The following PACRG variants were observed in gnomAD, a reference collection of about 807,000 sequenced individuals.
The protein encoded by PACRG is parkin coregulated gene protein.
Under a neutral mutation model 29.7 loss-of-function variants are expected in PACRG, and 29 were observed. The ratio of observed to expected loss-of-function variants is 0.98; its 90% CI spans 0.73 to 1.33. The LOEUF (loss-of-function observed/expected upper bound fraction) is 1.33. Ranked by LOEUF, PACRG falls within the 40% of genes most tolerant of loss-of-function variation. The pLI, the probability that PACRG is intolerant of heterozygous loss-of-function variation, is 0.00. For missense variants in PACRG, 279 were observed against 316.2 expected (o/e 0.88, Z 0.89); for synonymous variants, 116 against 118.7 (o/e 0.98, Z 0.15).
intron 2 of PACRG, among the ~76,000 whole-genome samples, chr6:162,914,769 A>G (rs1796590186): frequency 6.6e-6 from 1 of 151,666 alleles, no homozygotes; most frequent in Non-Finnish European, 1.5e-5. Flanking sequence ...AGTCATAAAT[A>G]CCTTTTATTA....
intron 4 of PACRG, among the ~76,000 whole-genome samples, chr6:163,254,813 C>A (rs1783044134): frequency 6.6e-6 from 1 of 152,222 alleles, no homozygotes; most frequent in African/African-American, 2.4e-5. Flanking sequence ...AAAACAGTTA[C>A]AGCTGCACCA....
chr6:163,126,759 G>A (rs553384762), intron 4 of PACRG, among the ~76,000 whole-genome samples: 4 of 152,308 alleles, frequency 2.6e-5, no homozygotes, highest in Middle Eastern at 6.8e-3. Flanking sequence ...AAATGCCACA[G>A]ACCCAGATAG....
At chr6:162,827,254 G>T (rs1475520682) in intron 2 of PACRG, among the ~76,000 whole-genome samples, 1 of 152,228 alleles carries the variant, frequency 6.6e-6, no homozygotes, top group East Asian at 1.9e-4. Context: ...AGCTTTTTCT[G>T]TTGGTGTGGG....
chr6:162,899,038 A>G (rs965587052), intron 2 of PACRG, among the ~76,000 whole-genome samples: 1 of 152,208 alleles, frequency 6.6e-6, no homozygotes, highest in East Asian at 1.9e-4. Flanking sequence ...TACCTGTTTA[A>G]TTCCGAGGGT....
chr6:163,192,327 A>G (rs538061619), intron 4 of PACRG, among the ~76,000 whole-genome samples: 69 of 152,374 alleles, frequency 4.5e-4, no homozygotes, highest in African/African-American at 1.6e-3. Context: ...TCCTACAGAT[A>G]CTTTCAGAAA....
chr6:162,914,194 A>G (rs1276261977), intron 2 of PACRG, among the ~76,000 whole-genome samples: 1 of 152,084 alleles, frequency 6.6e-6, no homozygotes, highest in Admixed American at 6.5e-5. Context: ...TTTAGGGTTT[A>G]CATCTAGTCC....
intron 4 of PACRG, among the ~76,000 whole-genome samples, chr6:163,164,926 T>G (rs1778726653): frequency 6.6e-6 from 1 of 152,172 alleles, no homozygotes; most frequent in Non-Finnish European, 1.5e-5. Context: ...TATGTATGTA[T>G]GTACATGAAC....
At chr6:163,230,273 C>T (rs1389306058) in intron 4 of PACRG, among the ~76,000 whole-genome samples, 1 of 152,152 alleles carries the variant, frequency 6.6e-6, no homozygotes, top group Non-Finnish European at 1.5e-5. Context: ...GTAACTGTGT[C>T]CTTATGTTAG....
chr6:162,755,071 G>A (rs1402894223), intron 1 of PACRG, among the ~76,000 whole-genome samples: 2 of 152,140 alleles, frequency 1.3e-5, no homozygotes, highest in Admixed American at 1.3e-4. Context: ...TATACAGTGT[G>A]TTGGCATATA....
intron 2 of PACRG, among the ~76,000 whole-genome samples, chr6:162,876,738 C>T (rs1013044679): frequency 3.3e-5 from 5 of 152,166 alleles, no homozygotes; most frequent in African/African-American, 1.2e-4. Context: ...TCAACTTTGG[C>T]TTTTGTTGCC....
chr6:163,151,788 A>T (rs973607651), intron 4 of PACRG, among the ~76,000 whole-genome samples: 1 of 152,238 alleles, frequency 6.6e-6, no homozygotes, highest in Non-Finnish European at 1.5e-5. Context: ...TTTTAACGGA[A>T]CTTAAATATT....
At chr6:162,905,131 T>C (rs893777302) in intron 2 of PACRG, among the ~76,000 whole-genome samples, 2 of 152,088 alleles carry the variant, frequency 1.3e-5, no homozygotes, top group African/African-American at 4.8e-5. Flanking sequence ...AACAAGGTGG[T>C]GGTGGCCTCG....
At chr6:162,880,904 C>T (rs1483031783) in intron 2 of PACRG, among the ~76,000 whole-genome samples, 1 of 152,220 alleles carries the variant, frequency 6.6e-6, no homozygotes, top group East Asian at 1.9e-4. Context: ...AGGGGTGCAT[C>T]GTTCAGGGCG....
At chr6:162,890,747 G>A (rs573782464) in intron 2 of PACRG, among the ~76,000 whole-genome samples, 5 of 152,284 alleles carry the variant, frequency 3.3e-5, no homozygotes, top group African/African-American at 1.2e-4. Context: ...CATACCCTGT[G>A]AATCAGCATG....
At chr6:162,821,291 C>T (rs1398535547) in intron 2 of PACRG, among the ~76,000 whole-genome samples, 2 of 152,116 alleles carry the variant, frequency 1.3e-5, no homozygotes, top group Non-Finnish European at 2.9e-5. Flanking sequence ...CATACGCCAT[C>T]TCATCGAGCT....
At chr6:162,733,481 C>T (rs943464775) in intron 1 of PACRG, among the ~76,000 whole-genome samples, 1 of 152,076 alleles carries the variant, frequency 6.6e-6, no homozygotes, top group African/African-American at 2.4e-5. Flanking sequence ...TTATTTGTCT[C>T]TATTTTGAAT....
At chr6:163,113,497 A>T (rs1815820480) in intron 4 of PACRG, among the ~76,000 whole-genome samples, 1 of 152,226 alleles carries the variant, frequency 6.6e-6, no homozygotes, top group African/African-American at 2.4e-5. Flanking sequence ...AAGCAGTGAG[A>T]GAAAAAGGAC....
chr6:163,070,886 AAAG>A (rs756800266), intron 3 of PACRG, among the ~76,000 whole-genome samples: 3 of 152,214 alleles, frequency 2.0e-5, no homozygotes, highest in Non-Finnish European at 1.5e-5. Context: ...GGAAACCAAA[AAAG>A]AGCAGAAGTT....
intron 2 of PACRG, among the ~76,000 whole-genome samples, chr6:163,048,268 A>T (rs1404661871): frequency 6.6e-6 from 1 of 152,240 alleles, no homozygotes; most frequent in African/African-American, 2.4e-5. Flanking sequence ...CCAAAATGGG[A>T]ATAATCCTAA....
Sources: gnomAD v4.1 joint callset for allele counts (sites outside exome capture counted in the v4.1 genomes callset) on GRCh38, gnomAD v4.1.1 for gene constraint, MANE v1.5 for transcripts, NCBI Gene and HGNC (gene_info 2026-07-23, HGNC 2026-07-21) for gene names.